SLC12A7: variants seen among roughly 807,000 people sequenced by gnomAD.
SLC12A7 encodes K-Cl cotransporter 4.
Under a neutral mutation model 120.6 loss-of-function variants are expected in SLC12A7, and 100 were observed. That is an observed-to-expected ratio of 0.83 (90% CI 0.71 to 0.98). The LOEUF (loss-of-function observed/expected upper bound fraction) is 0.98, where lower values mean the gene tolerates loss of function less well. Among genes scored for constraint, SLC12A7 ranks in the 50% least tolerant of loss-of-function variants. The pLI, the probability that SLC12A7 is intolerant of heterozygous loss-of-function variation, is 0.00. For synonymous variants in SLC12A7, 760 were observed against 678.0 expected (o/e 1.12, Z -1.88); for missense variants, 1,373 against 1,548.1 (o/e 0.89, Z 1.90).
intron 8 of SLC12A7, among the ~76,000 whole-genome samples, chr5:1,083,248 C>T (rs910720564): frequency 9.2e-5 from 14 of 151,650 alleles, no homozygotes; most frequent in Non-Finnish European, 1.8e-4. Context: ...GGCTTCCTGT[C>T]TTGGGTTCTG....
At chr5:1,115,901 T>C (rs1009853067), upstream of SLC12A7, among the ~76,000 whole-genome samples, 1 of 137,354 alleles carries the variant, frequency 7.3e-6, no homozygotes, top group Non-Finnish European at 1.5e-5. Flanking sequence ...GAGGCCCCAG[T>C]TACCCAAGGC....
the SLC12A7 span, among the ~76,000 whole-genome samples, chr5:1,124,258 G>A: frequency 6.6e-6 from 1 of 152,164 alleles, no homozygotes; most frequent in African/African-American, 2.4e-5. Context: ...GTCTTTCAAA[G>A]ACCACCTAAT....
At position 1,076,796 on chromosome 5, in the gene SLC12A7, T is replaced by C. The variant is rs1400999392; in HGVS notation, c.1646A>G (p.Lys549Arg). ...CGCCCACGTGGGCTCCCCGTTGGCC[T>C]TCCCGTGGCCAAACACCTGCAGGGA... is the stretch of plus-strand genomic sequence containing the variant. ...VPFLQVFGHG[K>R]ANGEPTWALL... Residue 549 changes from lysine to arginine, a missense_variant, in exon 13 of 24, where the codon AAG becomes AGG. Physicochemically the swap from Lys to Arg is conservative, Grantham distance 26 (BLOSUM62 2). Transcript: ENST00000264930. 2 of 1,609,290 alleles carry C rather than the reference T, an allele frequency of 1.2e-6. No individual in the cohort carries two copies. The highest frequency in any genetic ancestry group is 1.7e-4 in the Middle Eastern group (1 of 6,036).
At chr5:1,086,053 G>T (rs1004565347) in intron 6 of SLC12A7, among the ~76,000 whole-genome samples, 1 of 152,154 alleles carries the variant, frequency 6.6e-6, no homozygotes, top group African/African-American at 2.4e-5. Context: ...TGGAGGGCAT[G>T]GCACCCACCC....
At chr5:1,067,759 G>A (rs917794997) in intron 17 of SLC12A7, among the ~76,000 whole-genome samples, 3 of 152,208 alleles carry the variant, frequency 2.0e-5, no homozygotes, top group Admixed American at 6.5e-5. Context: ...TCAGGAGGAC[G>A]CGGCACTGCC....
At chr5:1,133,311 C>T in the SLC12A7 span, among the ~76,000 whole-genome samples, 1 of 152,212 alleles carries the variant, frequency 6.6e-6, no homozygotes, top group Non-Finnish European at 1.5e-5. Flanking sequence ...TGGGCAAGAG[C>T]TCCCCCCAAC....
the SLC12A7 span, among the ~76,000 whole-genome samples, chr5:1,152,683 CG>C: frequency 6.6e-6 from 1 of 152,220 alleles, no homozygotes; most frequent in Non-Finnish European, 1.5e-5. Flanking sequence ...AGACGCCCCC[CG>C]GACCATGCAC....
upstream of SLC12A7, among the ~76,000 whole-genome samples, chr5:1,114,490 G>C (rs897571479): frequency 1.3e-5 from 2 of 152,258 alleles, no homozygotes; most frequent in Admixed American, 6.5e-5. Context: ...TTCGCTCTGT[G>C]GGTTTCCGTG....
Position 1,093,311 on chromosome 5 carries a change from A to G in SLC12A7, c.342+222T>C, listed in dbSNP as rs574003056. Among the ~76,000 whole-genome samples the G allele has an allele frequency of 3.9e-5, 6 of 152,266 alleles. No homozygotes were observed. In the South Asian group the frequency reaches 1.2e-3, roughly 32 times the overall value. ...ACAGGGAACCCGGCCACCCAGATGC[A>G]TGGGGGTGTCACGCTTCCCCGGACG... On this transcript the variant is annotated intron_variant, in intron 3 of 23. Coordinates refer to ENST00000264930, the MANE Select transcript of SLC12A7 (RefSeq NM_006598.3).
At position 1,064,115 on chromosome 5, in the gene SLC12A7, T is replaced by A; in HGVS notation, c.2575A>T (p.Met859Leu). 6.2e-7 allele frequency: 1 copy of A among 1,609,812 alleles called. No homozygotes were observed. Among genetic ancestry groups the A allele is most frequent in the Non-Finnish European group, 8.5e-7 (1 of 1,178,036 alleles). The stretch of plus-strand genomic sequence containing the variant: ...TGGCGCAGCAGGAAGGGCAGCAGCA[T>A]GAGCATGCCGCCGTCGTGCACGATC... Reference protein sequence around the residue: ...WWIVHDGGMLMLLPFLLRQHK... With the variant: ...WWIVHDGGMLLLLPFLLRQHK... The change falls in exon 19 of 24, where the codon ATG becomes TTG. Residue 859 changes from methionine to leucine, a missense_variant. By Grantham distance (15) the Met-to-Leu change is conservative. Coordinates refer to ENST00000264930, the MANE Select transcript of SLC12A7 (RefSeq NM_006598.3).
intron 1 of SLC12A7, among the ~76,000 whole-genome samples, chr5:1,097,933 GT>G (rs72035163): frequency 0.2 from 31,133 of 151,890 alleles, 3,834 homozygotes; most frequent in East Asian, 0.35. Context: ...CCACTTGGGA[GT>G]GCCCACAAAC....
intron 3 of SLC12A7, among the ~76,000 whole-genome samples, chr5:1,090,824 G>A (rs187753901): frequency 5.3e-5 from 8 of 152,350 alleles, no homozygotes; most frequent in Admixed American, 4.6e-4. Context: ...CTTGGTTCGC[G>A]CCTAAAGGCA....
chr5:1,147,237 GGCCCACCCCGCCACCCCCCCC>G, the SLC12A7 span, among the ~76,000 whole-genome samples: 1 of 102,404 alleles, frequency 9.8e-6, no homozygotes, highest in Non-Finnish European at 1.9e-5. Context: ...TCCTCATCAC[GGCCCACCCCGCCACCCCCCCC>G]GCCCCCGCCT....
At chr5:1,097,336 G>A (rs1335519646) in intron 1 of SLC12A7, among the ~76,000 whole-genome samples, 1 of 152,088 alleles carries the variant, frequency 6.6e-6, no homozygotes, top group African/African-American at 2.4e-5. Context: ...TCACCGCAGC[G>A]TCTCCTCTGC....
intron 1 of SLC12A7, among the ~76,000 whole-genome samples, chr5:1,099,814 A>G (rs1327199947): frequency 6.6e-6 from 1 of 152,144 alleles, no homozygotes; most frequent in Non-Finnish European, 1.5e-5. Context: ...AAAACTCGGG[A>G]CACCTTAAAA....
At position 1,112,008 on chromosome 5, in the gene SLC12A7, C is replaced by T. The variant is rs753388590; in HGVS notation, c.-17G>A. The T allele has an allele frequency of 1.4e-5, 18 of 1,264,328 alleles. No individual in the cohort carries two copies. The African/African-American group carries it at 2.8e-4, about 19-fold the overall frequency. The allele number at this position is 1,264,328 out of a possible 1,614,324, so 78.3% of individuals were successfully genotyped here. Reference sequence around the variant, plus strand: ...GGTGGGCATGGCCGCCTGCAGCCGACAGTCCCCGTCCCGGCCCGGCCCGCG... The same window carrying T: ...GGTGGGCATGGCCGCCTGCAGCCGATAGTCCCCGTCCCGGCCCGGCCCGCG... On this transcript the variant is annotated 5_prime_UTR_variant, in exon 1 of 24. Coordinates refer to ENST00000264930, the MANE Select transcript of SLC12A7 (RefSeq NM_006598.3).
chr5:1,075,525 C>G, intron 14 of SLC12A7, 35 bp from the exon 15 acceptor site: 1 of 1,590,076 alleles, frequency 6.3e-7, no homozygotes, highest in Non-Finnish European at 8.6e-7. Context: ...GGCGGCCCAA[C>G]GCCATGCAGC....
the SLC12A7 span, among the ~76,000 whole-genome samples, chr5:1,121,578 T>C: frequency 3.9e-5 from 6 of 152,176 alleles, no homozygotes; most frequent in Non-Finnish European, 7.3e-5. Flanking sequence ...CCATGCCACT[T>C]TGTGGGACCC....
the SLC12A7 span, among the ~76,000 whole-genome samples, chr5:1,122,473 T>G: frequency 1.3e-5 from 2 of 152,278 alleles, no homozygotes; most frequent in South Asian, 4.1e-4. Context: ...AAAAAATCCA[T>G]TTTATTTAAT....
Sources: gnomAD v4.1 joint callset for allele counts (sites outside exome capture counted in the v4.1 genomes callset) on GRCh38, gnomAD v4.1.1 for gene constraint, MANE v1.5 for transcripts, NCBI Gene and HGNC (gene_info 2026-07-23, HGNC 2026-07-21) for gene names.